Variants in GATAD2B observed in about 807,000 individuals in gnomAD.
GATAD2B encodes GATA zinc finger domain containing 2B, also known as transcriptional repressor p66-beta.
A neutral mutation model predicts 64.3 loss-of-function variants in GATAD2B; 8 were observed. The observed-to-expected ratio is 0.12, with a 90% CI of 0.07 to 0.22. The LOEUF (loss-of-function observed/expected upper bound fraction) is 0.22. Ranked by LOEUF, GATAD2B falls within the 10% of genes least tolerant of loss-of-function variation. The pLI is 1.00. For synonymous variants in GATAD2B, 281 were observed against 271.3 expected, an observed-to-expected ratio of 1.04 and a Z score of -0.35; for missense variants, 453 against 752.0, an observed-to-expected ratio of 0.60 and a Z score of 4.65.
At chr1:153,867,864 A>G (rs1367015011) in intron 1 of GATAD2B, among the ~76,000 whole-genome samples, 1 of 151,800 alleles carries the variant, frequency 6.6e-6, no homozygotes, top group Non-Finnish European at 1.5e-5. Flanking sequence ...CGTCTCAAAA[A>G]ACAACAAAAA....
chr1:153,836,639 G>A (rs535897715), intron 1 of GATAD2B, among the ~76,000 whole-genome samples: 26 of 151,912 alleles, frequency 1.7e-4, no homozygotes, highest in African/African-American at 5.1e-4. Flanking sequence ...CTATGATTGC[G>A]CCACTCTACT....
intron 1 of GATAD2B, among the ~76,000 whole-genome samples, chr1:153,851,259 G>A (rs1265823749): frequency 2.0e-5 from 3 of 152,094 alleles, no homozygotes; most frequent in Non-Finnish European, 2.9e-5. Context: ...CTTCATCCAT[G>A]TTGTCACTCT....
At chr1:153,828,516 G>A (rs527728556) in intron 1 of GATAD2B, among the ~76,000 whole-genome samples, 168 bp from the exon 2 acceptor site, 29 of 151,160 alleles carry the variant, frequency 1.9e-4, no homozygotes, top group Non-Finnish European at 3.8e-4. Context: ...ACTAAGCTAT[G>A]TCCTACCTGA....
At position 153,818,180 on chromosome 1, in the gene GATAD2B, G is replaced by C; in HGVS notation, c.598-9C>G. On this transcript the variant is annotated splice_polypyrimidine_tract_variant and intron_variant, in intron 4 of 10. Coordinates refer to ENST00000368655, the MANE Select transcript of GATAD2B (RefSeq NM_020699.4). ...TTCTGTACAACTGGAGTCTGGGAGA[G>C]GGAAGAGAAAATAAGACTGTGGCCA... 1 of 1,587,660 alleles carries C rather than the reference G, an allele frequency of 6.3e-7. No individual in the cohort carries two copies. Among genetic ancestry groups the C allele is most frequent in the Non-Finnish European group, 8.6e-7 (1 of 1,168,090 alleles).
chr1:153,819,794 C>G (rs1037119660), intron 2 of GATAD2B, 59 bp from the exon 3 acceptor site: 95 of 1,503,968 alleles, frequency 6.3e-5, no homozygotes, highest in Non-Finnish European at 8.5e-5. Flanking sequence ...AACTTCTATG[C>G]TGAATTAAAA....
intron 1 of GATAD2B, among the ~76,000 whole-genome samples, chr1:153,913,305 A>C (rs1056833469): frequency 6.6e-6 from 1 of 152,172 alleles, no homozygotes; most frequent in Non-Finnish European, 1.5e-5. Context: ...AAAAATAATC[A>C]AAGGTATTGT....
chr1:153,897,334 A>G (rs1677628424), intron 1 of GATAD2B, among the ~76,000 whole-genome samples: 1 of 152,174 alleles, frequency 6.6e-6, no homozygotes, highest in African/African-American at 2.4e-5. Flanking sequence ...TGGCCAAAAC[A>G]CCAAAACACC....
At chr1:153,864,042 A>G (rs1676397844) in intron 1 of GATAD2B, among the ~76,000 whole-genome samples, 1 of 152,238 alleles carries the variant, frequency 6.6e-6, no homozygotes, top group African/African-American at 2.4e-5. Context: ...GGAAGTAATA[A>G]TAATAGGCAC....
intron 1 of GATAD2B, among the ~76,000 whole-genome samples, chr1:153,854,498 A>G (rs1676014537): frequency 6.6e-6 from 1 of 152,184 alleles, no homozygotes; most frequent in South Asian, 2.1e-4. Flanking sequence ...TAACATGCAT[A>G]CTGCTCATTT....
intron 1 of GATAD2B, chr1:153,853,008 G>A: frequency 2.5e-6 from 3 of 1,221,418 alleles, no homozygotes; most frequent in Non-Finnish European, 3.6e-6. Flanking sequence ...CTTTGGTCTT[G>A]TCCATCAACC....
chr1:153,852,175 T>G, intron 1 of GATAD2B: 2 of 852,014 alleles, frequency 2.3e-6, no homozygotes, highest in Non-Finnish European at 3.9e-6. Flanking sequence ...CTAAGCATTC[T>G]GAGACTCAGT....
chr1:153,815,488 T>A (rs1674448008), intron 7 of GATAD2B, among the ~76,000 whole-genome samples: 1 of 151,910 alleles, frequency 6.6e-6, no homozygotes, highest in Non-Finnish European at 1.5e-5. Context: ...AATAAAATGA[T>A]GTTATTTGAG....
In GATAD2B at chr1:153,902,033, C is replaced by A. The variant is rs548639152; in HGVS notation, c.-2+20700G>T. Reference sequence around the variant, plus strand: ...CAGTGGTTCACACCTGTAATCCCAGCACTTTGGGAGGCTGAGGCAGGCGGA... The same window carrying A: ...CAGTGGTTCACACCTGTAATCCCAGAACTTTGGGAGGCTGAGGCAGGCGGA... On this transcript the variant is annotated intron_variant, in intron 1 of 10. Coordinates refer to ENST00000368655, the MANE Select transcript of GATAD2B (RefSeq NM_020699.4). 2.3e-3 allele frequency among the ~76,000 whole-genome samples: 348 copies of A among 150,054 alleles called. 2 individuals carry two copies. The highest frequency in any genetic ancestry group is 8.3e-3 in the African/African-American group (338 of 40,866).
chr1:153,878,905 G>A (rs1456731290), intron 1 of GATAD2B, among the ~76,000 whole-genome samples: 3 of 150,418 alleles, frequency 2.0e-5, no homozygotes, highest in Non-Finnish European at 4.4e-5. Flanking sequence ...AGGCTCCCGA[G>A]TAGTTGGGAT....
chr1:153,826,865 C>T (rs1388043213), intron 2 of GATAD2B, among the ~76,000 whole-genome samples: 1 of 151,072 alleles, frequency 6.6e-6, no homozygotes, highest in Non-Finnish European at 1.5e-5. Flanking sequence ...AACTTGAGCC[C>T]AGGAGTTGGT....
chr1:153,824,503 T>G (rs1570934779), intron 2 of GATAD2B, among the ~76,000 whole-genome samples: 1 of 149,926 alleles, frequency 6.7e-6, no homozygotes, highest in Non-Finnish European at 1.5e-5. Context: ...TCCCAGCTAC[T>G]CAGGAGGCTG....
chr1:153,884,392 G>A (rs1279423233), intron 1 of GATAD2B, among the ~76,000 whole-genome samples: 1 of 152,096 alleles, frequency 6.6e-6, no homozygotes, highest in Non-Finnish European at 1.5e-5. Context: ...GCAGTGAGCT[G>A]AGATCGCTCC....
intron 1 of GATAD2B, among the ~76,000 whole-genome samples, chr1:153,835,970 G>A (rs1009500346): frequency 2.0e-5 from 3 of 152,124 alleles, no homozygotes; most frequent in South Asian, 2.1e-4. Context: ...CAATCCTCCC[G>A]CCTCAGCCTT....
chr1:153,864,787 A>G (rs1676422419), intron 1 of GATAD2B, among the ~76,000 whole-genome samples: 1 of 152,162 alleles, frequency 6.6e-6, no homozygotes, highest in African/African-American at 2.4e-5. Context: ...TACTAAATAC[A>G]GCCAGGCACA....
Sources: gnomAD v4.1 joint callset for allele counts (sites outside exome capture counted in the v4.1 genomes callset) on GRCh38, gnomAD v4.1.1 for gene constraint, MANE v1.5 for transcripts, NCBI Gene and HGNC (gene_info 2026-07-23, HGNC 2026-07-21) for gene names.